The following PKHD1 variants were observed in gnomAD, a reference collection of about 807,000 sequenced individuals.
PKHD1 encodes fibrocystin.
Under a neutral mutation model 412.0 loss-of-function variants are expected in PKHD1, and 291 were observed. The ratio of observed to expected loss-of-function variants is 0.71; its 90% CI spans 0.64 to 0.78. The LOEUF (loss-of-function observed/expected upper bound fraction) is 0.78. Among genes scored for constraint, PKHD1 ranks in the 30% least tolerant of loss-of-function variants. The probability of loss-of-function intolerance (pLI) is 0.00; values close to 1 mark genes in which losing one functional copy is unlikely to be tolerated. For missense variants in PKHD1, 4,825 were observed against 4,950.7 expected (o/e 0.97, Z 0.76); for synonymous variants, 1,777 against 1,821.5 (o/e 0.98, Z 0.62).
intron 60 of PKHD1, among the ~76,000 whole-genome samples, chr6:51,680,174 A>T (rs1210210238): frequency 6.6e-6 from 1 of 152,030 alleles, no homozygotes; most frequent in African/African-American, 2.4e-5. Flanking sequence ...TTTGGAAAAT[A>T]GTCTCTCTAG....
intron 60 of PKHD1, among the ~76,000 whole-genome samples, chr6:51,699,002 G>A (rs1156733674): frequency 6.6e-6 from 1 of 152,140 alleles, no homozygotes; most frequent in Admixed American, 6.6e-5. Context: ...CTCCAGTTAT[G>A]AAACACCTAA....
chr6:51,772,866 A>G, intron 54 of PKHD1, 77 bp from the exon 55 acceptor site: 1 of 827,468 alleles, frequency 1.2e-6, no homozygotes, highest in Non-Finnish European at 2.1e-6. Context: ...AAGTCATTCC[A>G]GAGGCTGTTG....
At chr6:51,881,109 T>C (rs1157438164) in intron 46 of PKHD1, among the ~76,000 whole-genome samples, 1 of 145,520 alleles carries the variant, frequency 6.9e-6, no homozygotes, top group African/African-American at 2.5e-5. Context: ...TTGGAACAAC[T>C]GACACCTGGC....
chr6:51,619,467 T>C lies in PKHD1; in HGVS notation c.11839A>G (p.Met3947Val). The part of the protein sequence containing the change: ...GKVNQCPHQL[M>V]NGVSRRKVSR... ...ACTTTCCTTCTGGACACTCCATTCA[T>C]CAACTGGTGGGGGCACTGGTTCACC... The change falls in exon 67 of 67, where the codon ATG (methionine) becomes GTG (valine). Residue 3947 changes from methionine (M) to valine (V), a missense_variant. Physicochemically the swap from Met to Val is conservative, Grantham distance 21. Coordinates refer to ENST00000371117, the MANE Select transcript of PKHD1 (RefSeq NM_138694.4). 6.2e-7 allele frequency: 1 copy of C among 1,614,116 alleles called. No homozygotes were observed. Among genetic ancestry groups the C allele is most frequent in the Non-Finnish European group, 8.5e-7 (1 of 1,179,992 alleles).
intron 26 of PKHD1, 108 bp downstream of exon 26, chr6:52,043,517 A>G (rs1340450344): frequency 6.3e-6 from 5 of 794,722 alleles, no homozygotes; most frequent in Non-Finnish European, 1.1e-5. Context: ...CCTCTGCCTA[A>G]TGAACTAATT....
At chr6:51,676,591 A>T (rs956821453) in intron 60 of PKHD1, among the ~76,000 whole-genome samples, 1 of 147,640 alleles carries the variant, frequency 6.8e-6, no homozygotes, top group African/African-American at 2.4e-5. Context: ...TGTGGCAAAC[A>T]ACATTTATAC....
At chr6:52,005,647 C>A (rs1005031441) in intron 35 of PKHD1, among the ~76,000 whole-genome samples, 6 of 152,138 alleles carry the variant, frequency 3.9e-5, no homozygotes, top group African/African-American at 1.2e-4. Flanking sequence ...AGGGGAAGAG[C>A]ATGGCATACA....
chr6:51,715,797 G>T (rs899045964), intron 60 of PKHD1, among the ~76,000 whole-genome samples: 1 of 152,170 alleles, frequency 6.6e-6, no homozygotes, highest in African/African-American at 2.4e-5. Context: ...GGAGCTGTTT[G>T]TTCATGTTTT....
chr6:51,711,124 T>C (rs1435335632), intron 60 of PKHD1, among the ~76,000 whole-genome samples: 1 of 152,108 alleles, frequency 6.6e-6, no homozygotes, highest in Non-Finnish European at 1.5e-5. Flanking sequence ...AACCAAGAAG[T>C]GTTGGTGTTG....
chr6:51,740,778 C>T (rs2150944244), intron 60 of PKHD1, among the ~76,000 whole-genome samples: 1 of 152,276 alleles, frequency 6.6e-6, no homozygotes, highest in South Asian at 2.1e-4. Context: ...AAAAATACTG[C>T]AATCCTGTCA....
chr6:51,941,058 C>A (rs1469191282), intron 36 of PKHD1, among the ~76,000 whole-genome samples: 1 of 151,026 alleles, frequency 6.6e-6, no homozygotes, highest in Non-Finnish European at 1.5e-5. Flanking sequence ...CTTGTATCCC[C>A]CCCCACCTTA....
Position 52,066,032 on chromosome 6 carries a change from G to T in PKHD1, c.824C>A (p.Thr275Lys). Reference sequence around the variant, plus strand: ...AAAGTCTCCTGTAATTGTGATGTTTGTTCTTCCCCCAAGGCTCCCAGTTTC... The same window carrying T: ...AAAGTCTCCTGTAATTGTGATGTTTTTTCTTCCCCCAAGGCTCCCAGTTTC... ...FPETGSLGGR[T>K]NITITGDFFD... The change falls in exon 12 of 67, where the codon ACA becomes AAA. Residue 275 changes from threonine (T) to lysine (K), a missense_variant. Thr to Lys is a moderately conservative substitution (Grantham distance 78). Transcript: ENST00000371117. 6.2e-7 allele frequency: 1 copy of T among 1,602,334 alleles called. No homozygotes were observed. Among genetic ancestry groups the T allele is most frequent in the South Asian group, 1.1e-5 (1 of 90,830 alleles).
intron 55 of PKHD1, among the ~76,000 whole-genome samples, chr6:51,768,404 T>C (rs556330482): frequency 1.3e-5 from 2 of 152,182 alleles, no homozygotes; most frequent in Admixed American, 6.5e-5. Flanking sequence ...TTTTATGCCA[T>C]TGAATAGTGT....
At chr6:51,941,683 C>T (rs958825673) in intron 36 of PKHD1, among the ~76,000 whole-genome samples, 3 of 151,698 alleles carry the variant, frequency 2.0e-5, no homozygotes, top group Admixed American at 6.6e-5. Flanking sequence ...TGCCTATCCA[C>T]CCCGTGGTGC....
chr6:51,984,744 A>T (rs1401739774), intron 35 of PKHD1, among the ~76,000 whole-genome samples: 1 of 152,238 alleles, frequency 6.6e-6, no homozygotes, highest in Non-Finnish European at 1.5e-5. Flanking sequence ...TTATAACCTA[A>T]TCTGGAATGC....
Position 52,028,158 on chromosome 6 carries a change from T to A in PKHD1, c.3558A>T (p.Gln1186His), listed in dbSNP as rs777121944. 3 of 1,613,802 alleles carry A rather than the reference T, an allele frequency of 1.9e-6. No homozygotes were observed. Among genetic ancestry groups the A allele is most frequent in the Non-Finnish European group, 2.5e-6 (3 of 1,179,742 alleles). Residue 1186 changes from glutamine to histidine, a missense_variant and splice_region_variant, in exon 30 of 67, where the codon CAA (glutamine) becomes CAT (histidine). Gln to His is a conservative substitution (Grantham distance 24). Transcript: ENST00000371117. ...VSINGVSIHS[Q>H]GVDLHIQYLT... is the part of the protein sequence containing the mutation. ...ATTAATGCAAGTGGTCACCTCACCC[T>A]TGTGAGTGAATGCTGACCCCATTGA... is the stretch of plus-strand genomic sequence containing the variant.
chr6:51,659,019 C>G lies in PKHD1; in HGVS notation c.11107G>C (p.Glu3703Gln). 6.2e-7 allele frequency: 1 copy of G among 1,613,200 alleles called. No homozygotes were observed. The highest frequency in any genetic ancestry group is 2.2e-5 in the East Asian group (1 of 44,848). ...CCGATAGTCATATTCAGAACATTCT[C>G]TAGTACCCCAGTCTGTTGAGCAGTG... ...VITAQQTGVL[E>Q]NVLNMTIGAL... The change falls in exon 61 of 67, where the codon GAG (glutamate) becomes CAG (glutamine). Residue 3703 changes from glutamate to glutamine, a missense_variant. Coordinates refer to ENST00000371117, the MANE Select transcript of PKHD1 (RefSeq NM_138694.4).
intron 35 of PKHD1, among the ~76,000 whole-genome samples, chr6:51,985,015 A>G (rs1380446113): frequency 6.7e-6 from 1 of 150,288 alleles, no homozygotes; most frequent in Non-Finnish European, 1.5e-5. Context: ...ATATTTTTCC[A>G]TAGAAAAAAA....
intron 46 of PKHD1, among the ~76,000 whole-genome samples, chr6:51,871,318 C>T (rs1775967236): frequency 1.8e-5 from 1 of 55,242 alleles, no homozygotes; most frequent in Admixed American, 1.5e-4. Flanking sequence ...TGCATTACAT[C>T]TATCTAATGG....
Sources: allele counts gnomAD v4.1 joint callset (sites outside exome capture counted in the v4.1 genomes callset), GRCh38; gene constraint gnomAD v4.1.1; transcripts MANE v1.5; gene names NCBI Gene and HGNC (gene_info 2026-07-23, HGNC 2026-07-21).